MAGI2: variants seen among roughly 807,000 people sequenced by gnomAD.
MAGI2 encodes the protein membrane associated guanylate kinase, WW and PDZ domain containing 2.
A neutral mutation model predicts 133.3 loss-of-function variants in MAGI2; 35 were observed. The ratio of observed to expected loss-of-function variants is 0.26; its 90% confidence interval spans 0.20 to 0.35. The LOEUF (loss-of-function observed/expected upper bound fraction) is 0.35, where lower values mean the gene tolerates loss of function less well. Among genes scored for constraint, MAGI2 ranks in the 10% least tolerant of loss-of-function variants. The pLI, the probability that MAGI2 is intolerant of heterozygous loss-of-function variation, is 1.00. For missense variants in MAGI2, 1,636 were observed against 1,863.4 expected (o/e 0.88, Z 2.25); for synonymous variants, 729 against 710.6 (o/e 1.03, Z -0.41).
intron 9 of MAGI2, among the ~76,000 whole-genome samples, chr7:78,297,261 A>AATC (rs2151061005): frequency 6.6e-6 from 1 of 152,242 alleles, no homozygotes; most frequent in African/African-American, 2.4e-5. Context: ...GAGAAATGCA[A>AATC]ATCAAAACCA....
intron 2 of MAGI2, among the ~76,000 whole-genome samples, chr7:78,977,484 AAAGAAAGAAAGAAAG>A (rs1804379816): frequency 5.4e-5 from 1 of 18,584 alleles, no homozygotes; most frequent in Non-Finnish European, 1.7e-4. Context: ...AGAAAGAAAG[AAAGAAAGAAAGAAAG>A]AAAGAAAGAA....
chr7:78,990,061 T>C (rs1317855205), intron 2 of MAGI2, among the ~76,000 whole-genome samples: 2 of 152,070 alleles, frequency 1.3e-5, no homozygotes, highest in Non-Finnish European at 2.9e-5. Context: ...ACATAAGGAC[T>C]TGTAACAACC....
intron 6 of MAGI2, among the ~76,000 whole-genome samples, chr7:78,447,530 T>C (rs868020866): frequency 3.5e-4 from 53 of 152,188 alleles, no homozygotes; most frequent in Middle Eastern, 6.8e-3. Context: ...TTGCACTGGA[T>C]ACCCAATGGG....
chr7:78,837,729 A>C (rs190749800), intron 2 of MAGI2, among the ~76,000 whole-genome samples: 6 of 152,298 alleles, frequency 3.9e-5, no homozygotes, highest in Admixed American at 2.6e-4. Flanking sequence ...TAAGTTACAA[A>C]GGAAATTCCA....
At chr7:78,500,131 A>T (rs570608885) in intron 5 of MAGI2, among the ~76,000 whole-genome samples, 38 of 152,340 alleles carry the variant, frequency 2.5e-4, no homozygotes, top group African/African-American at 8.9e-4. Flanking sequence ...CAAGCAGAGC[A>T]CTGAGTAATT....
At chr7:79,442,451 A>AGTGTGTGT (rs3028947) in intron 1 of MAGI2, among the ~76,000 whole-genome samples, 6,793 of 145,146 alleles carry the variant, frequency 0.047, 214 homozygotes, top group African/African-American at 0.094. Context: ...GTGTTTGAAG[A>AGTGTGTGT]GTGTGTGTGT....
chr7:79,270,388 A>C, intron 1 of MAGI2, among the ~76,000 whole-genome samples: 1 of 28,738 alleles, frequency 3.5e-5, no homozygotes, highest in African/African-American at 6.0e-5. Flanking sequence ...TTACATATTC[A>C]CCTTGTTTAG....
intron 2 of MAGI2, among the ~76,000 whole-genome samples, chr7:78,676,064 T>C (rs1814992246): frequency 6.6e-6 from 1 of 152,168 alleles, no homozygotes; most frequent in Non-Finnish European, 1.5e-5. Flanking sequence ...ACAAGGGCAA[T>C]GTCAATAGCA....
chr7:78,682,791 A>G (rs1416223352), intron 2 of MAGI2, among the ~76,000 whole-genome samples: 1 of 152,174 alleles, frequency 6.6e-6, no homozygotes, highest in African/African-American at 2.4e-5. Context: ...GTATATACCC[A>G]AAGGATTATA....
At chr7:78,769,890 AT>A (rs1825409452) in intron 2 of MAGI2, among the ~76,000 whole-genome samples, 1 of 151,958 alleles carries the variant, frequency 6.6e-6, no homozygotes, top group Admixed American at 6.6e-5. Context: ...GCTTCCCCCC[AT>A]TTCCTCTTAA....
At chr7:79,049,345 T>C (rs1039890903) in intron 1 of MAGI2, among the ~76,000 whole-genome samples, 9 of 152,168 alleles carry the variant, frequency 5.9e-5, no homozygotes, top group African/African-American at 2.2e-4. Flanking sequence ...CAAATTTACA[T>C]AATAATGTGA....
chr7:78,909,462 G>A (rs955214705), intron 2 of MAGI2, among the ~76,000 whole-genome samples: 1 of 150,690 alleles, frequency 6.6e-6, no homozygotes, highest in Admixed American at 6.6e-5. Context: ...AATTAGCCAG[G>A]CGTGGTGGCA....
At chr7:79,353,562 T>A in intron 1 of MAGI2, 1 of 447,856 alleles carries the variant, frequency 2.2e-6, no homozygotes, top group Non-Finnish European at 4.5e-6. Flanking sequence ...CAGTGATGTT[T>A]CTCTCAGGCC....
Position 78,678,904 on chromosome 7 carries a change from CA to C in MAGI2, c.419-51666del, listed in dbSNP as rs1429484439. ...ATTGCAAAAAACAAAAAGAAAGTAA[CA>C]TTATTCCACTTTCAAAAAAGATCCC... On this transcript the variant is annotated intron_variant, in intron 2 of 21. Transcript: ENST00000354212. 4.6e-5 allele frequency among the ~76,000 whole-genome samples: 7 copies of C among 152,004 alleles called. No homozygotes were observed. The South Asian group carries it at 6.2e-4, about 14-fold the overall frequency.
At chr7:78,475,943 T>C (rs2150439844) in intron 6 of MAGI2, among the ~76,000 whole-genome samples, 1 of 152,036 alleles carries the variant, frequency 6.6e-6, no homozygotes, top group Admixed American at 6.6e-5. Context: ...TGTTTTTCAT[T>C]TCATTCTTGT....
intron 9 of MAGI2, among the ~76,000 whole-genome samples, chr7:78,298,436 T>C (rs1233188961): frequency 6.6e-6 from 1 of 152,170 alleles, no homozygotes; most frequent in Non-Finnish European, 1.5e-5. Flanking sequence ...GGTAAGATGT[T>C]AAGAAGAGAA....
intron 6 of MAGI2, among the ~76,000 whole-genome samples, chr7:78,442,529 G>A (rs1350650659): frequency 6.6e-6 from 1 of 152,118 alleles, no homozygotes; most frequent in African/African-American, 2.4e-5. Context: ...CCTCATAAGT[G>A]GATTTCAGAT....
intron 3 of MAGI2, among the ~76,000 whole-genome samples, chr7:78,604,494 A>T (rs1380422188): frequency 6.6e-6 from 1 of 152,194 alleles, no homozygotes; most frequent in African/African-American, 2.4e-5. Context: ...AAATGTTCTA[A>T]TGTAATAAAT....
chr7:78,512,110 G>A (rs1205015342), intron 4 of MAGI2, among the ~76,000 whole-genome samples: 2 of 149,474 alleles, frequency 1.3e-5, no homozygotes, highest in Non-Finnish European at 1.5e-5. Flanking sequence ...GTGATGGAGC[G>A]AGACTTCGTC....
Sources: allele counts gnomAD v4.1 joint callset (sites outside exome capture counted in the v4.1 genomes callset), GRCh38; gene constraint gnomAD v4.1.1; transcripts MANE v1.5; gene names NCBI Gene and HGNC (gene_info 2026-07-23, HGNC 2026-07-21).